Variants in MYZAP observed in about 807,000 individuals in gnomAD.
The protein encoded by MYZAP is myocardial zonula adherens protein.
Under a neutral mutation model 69.4 loss-of-function variants are expected in MYZAP, and 66 were observed. The observed-to-expected ratio is 0.95, with a 90% CI of 0.78 to 1.17. The LOEUF (loss-of-function observed/expected upper bound fraction) is 1.17, where lower values mean the gene tolerates loss of function less well. Among genes scored for constraint, MYZAP ranks in the 50% most tolerant of loss-of-function variants. The pLI, the probability that MYZAP is intolerant of heterozygous loss-of-function variation, is 0.00. For synonymous variants in MYZAP, 256 were observed against 205.9 expected, an observed-to-expected ratio of 1.24 and a Z score of -2.09; for missense variants, 611 against 556.2, an observed-to-expected ratio of 1.10 and a Z score of -0.99.
chr15:57,596,814 A>C (rs747778827), intron 1 of MYZAP, among the ~76,000 whole-genome samples: 1 of 151,804 alleles, frequency 6.6e-6, no homozygotes, highest in Non-Finnish European at 1.5e-5. Context: ...GCTTTTCTTC[A>C]TGTTTCTCCT....
chr15:57,618,341 T>A (rs1392910899), intron 3 of MYZAP, among the ~76,000 whole-genome samples, 153 bp downstream of exon 3: 1 of 152,250 alleles, frequency 6.6e-6, no homozygotes, highest in East Asian at 1.9e-4. Context: ...TGTATCTTCA[T>A]GGTAATGTTA....
chr15:57,626,468 TTG>T (rs1844139260), intron 5 of MYZAP, among the ~76,000 whole-genome samples: 1 of 152,232 alleles, frequency 6.6e-6, no homozygotes, highest in Non-Finnish European at 1.5e-5. Flanking sequence ...CATTGTTTTC[TTG>T]GTTGATTTGG....
chr15:57,649,911 T>C (rs1045761630), intron 10 of MYZAP, among the ~76,000 whole-genome samples: 21 of 152,182 alleles, frequency 1.4e-4, no homozygotes, highest in African/African-American at 2.4e-4. Flanking sequence ...TTTGCATATA[T>C]ATTTTGTCTG....
chr15:57,642,869 A>G (rs137974926), intron 10 of MYZAP, among the ~76,000 whole-genome samples: 3 of 152,164 alleles, frequency 2.0e-5, no homozygotes, highest in Admixed American at 6.5e-5. Context: ...GACTTGTACT[A>G]TGTAGGAAGG....
In MYZAP at chr15:57,592,118, C is replaced by CG; in HGVS notation, c.75+14dup. 1 of 1,310,914 alleles carries CG rather than the reference C, an allele frequency of 7.6e-7. No homozygotes were observed. 81.2% of individuals were successfully genotyped at this position (1,310,914 alleles called of 1,614,324 possible). On this transcript the variant is annotated intron_variant, in intron 1 of 12. Transcript: ENST00000267853. ...GGGCGCCCAGCAGGAGGGTGAGTAG[C>CG]GGGGGCGGGAGCCGCCGCCGTCCCG...
At chr15:57,658,397 C>T (rs1280613019) in intron 10 of MYZAP, among the ~76,000 whole-genome samples, 7 of 152,260 alleles carry the variant, frequency 4.6e-5, no homozygotes, top group Admixed American at 6.5e-5. Context: ...TAATACCAAC[C>T]TGCAATAACA....
rs1198096829 is a variant in MYZAP, at chr15:57,684,393, A to G, written c.1305-9A>G. 7 of 1,604,628 alleles carry G rather than the reference A, an allele frequency of 4.4e-6. No homozygotes were observed. The highest frequency in any genetic ancestry group is 6.0e-6 in the Non-Finnish European group (7 of 1,173,018). ...TCATTTTCCTGACCTGCATTTTCTC[A>G]TTTCTCAGCCAAACAGGCAGGACTC... On this transcript the variant is annotated splice_polypyrimidine_tract_variant and intron_variant, in intron 12 of 12. Coordinates refer to ENST00000267853, the MANE Select transcript of MYZAP (RefSeq NM_001018100.5).
intron 10 of MYZAP, among the ~76,000 whole-genome samples, 184 bp downstream of exon 10, chr15:57,639,729 C>A (rs944101387): frequency 2.0e-5 from 3 of 152,126 alleles, no homozygotes; most frequent in Non-Finnish European, 4.4e-5. Context: ...ACGATGATGC[C>A]CCTAAAAGAG....
At chr15:57,602,640 T>G (rs539048108) in intron 1 of MYZAP, among the ~76,000 whole-genome samples, 49 of 152,312 alleles carry the variant, frequency 3.2e-4, no homozygotes, top group African/African-American at 1.1e-3. Flanking sequence ...TCCCGCGAAC[T>G]GAGCCCACAT....
chr15:57,648,893 T>C (rs559166907), intron 10 of MYZAP, among the ~76,000 whole-genome samples: 1 of 151,606 alleles, frequency 6.6e-6, no homozygotes, highest in South Asian at 2.1e-4. Flanking sequence ...TCTCTTCTTC[T>C]CAGAGGCAGT....
At chr15:57,592,517 C>T (rs1207133589) in intron 1 of MYZAP, among the ~76,000 whole-genome samples, 3 of 152,098 alleles carry the variant, frequency 2.0e-5, no homozygotes, top group African/African-American at 7.2e-5. Context: ...CACTTGTGTC[C>T]ACTAGTGATA....
At position 57,625,679 on chromosome 15, in the gene MYZAP, G is replaced by A. The variant is rs544238286; in HGVS notation, c.412-100G>A. Reference sequence around the variant, plus strand: ...AAGCTTTACTTTAGATATTGTTGAAGTAGATGTGGCTTCTAACAGAAGAAA... The same window carrying A: ...AAGCTTTACTTTAGATATTGTTGAAATAGATGTGGCTTCTAACAGAAGAAA... On this transcript the variant is annotated intron_variant, in intron 4 of 12. Transcript: ENST00000267853. 35 of 1,007,916 alleles carry A rather than the reference G, an allele frequency of 3.5e-5. 1 individual carries two copies. Among genetic ancestry groups the A allele is most frequent in the Admixed American group, 7.5e-5 (4 of 53,064 alleles). 62.4% of individuals were successfully genotyped at this position (1,007,916 alleles called of 1,614,324 possible). A position where few individuals can be genotyped will look rare whatever the true frequency, so the allele number is the denominator to read the frequency against.
chr15:57,625,317 G>A lies in MYZAP; in HGVS notation c.412-462G>A, dbSNP rs182036213. On this transcript the variant is annotated intron_variant, in intron 4 of 12. Transcript: ENST00000267853. Reference sequence around the variant, plus strand: ...TCGAACTCTTGACCTCAGGTGATCCGACCGCCTCGGCCTCCCACAGTGCTG... The same window carrying A: ...TCGAACTCTTGACCTCAGGTGATCCAACCGCCTCGGCCTCCCACAGTGCTG... Among the ~76,000 whole-genome samples the A allele has an allele frequency of 2.7e-3, 418 of 152,188 alleles. 4 individuals are homozygous for A. The Middle Eastern group carries it at 0.048, about 17-fold the overall frequency.
intron 5 of MYZAP, among the ~76,000 whole-genome samples, chr15:57,627,014 C>CG (rs1555458719): frequency 5.3e-4 from 80 of 152,180 alleles, no homozygotes; most frequent in Non-Finnish European, 9.3e-4. Context: ...CTCCTGTGGT[C>CG]GGGGGGGCTT....
intron 2 of MYZAP, among the ~76,000 whole-genome samples, chr15:57,613,409 C>G (rs572791011): frequency 3.9e-5 from 6 of 151,978 alleles, no homozygotes; most frequent in African/African-American, 1.5e-4. Flanking sequence ...CTTTCTCTGT[C>G]GCCCAGGCTG....
intron 3 of MYZAP, among the ~76,000 whole-genome samples, chr15:57,619,105 A>G (rs938627055): frequency 5.9e-5 from 9 of 152,240 alleles, no homozygotes; most frequent in Non-Finnish European, 1.2e-4. Context: ...ACCTAAGGTT[A>G]AAAACACAGC....
chr15:57,657,334 AG>A (rs1206801759), intron 10 of MYZAP, among the ~76,000 whole-genome samples: 5 of 152,242 alleles, frequency 3.3e-5, no homozygotes, highest in African/African-American at 1.2e-4. Flanking sequence ...TACTATAAAA[AG>A]GAATGAAAAA....
intron 11 of MYZAP, among the ~76,000 whole-genome samples, chr15:57,673,317 C>T (rs1266934401): frequency 1.3e-5 from 2 of 152,106 alleles, no homozygotes; most frequent in Admixed American, 6.6e-5. Flanking sequence ...AGGGATAAGG[C>T]GATGGTATTA....
chr15:57,642,813 A>T lies in MYZAP; in HGVS notation c.1119+3268A>T, dbSNP rs144511091. Among the ~76,000 whole-genome samples the T allele has an allele frequency of 5.6e-4, 84 of 150,272 alleles. 2 individuals carry two copies. The East Asian group carries it at 6.8e-3, about 12-fold the overall frequency. ...AAAAGTAACTGGCCCAGGTTTTGTC[A>T]TCCTTAGCTCATTAATGACTTGATT... On this transcript the variant is annotated intron_variant, in intron 10 of 12. Coordinates refer to ENST00000267853, the MANE Select transcript of MYZAP (RefSeq NM_001018100.5).
Sources: allele counts gnomAD v4.1 joint callset (sites outside exome capture counted in the v4.1 genomes callset), GRCh38; gene constraint gnomAD v4.1.1; transcripts MANE v1.5; gene names NCBI Gene and HGNC (gene_info 2026-07-23, HGNC 2026-07-21).